The following AKAP6 variants were observed in gnomAD, a reference collection of about 807,000 sequenced individuals.
The protein encoded by AKAP6 is A-kinase anchoring protein 6.
AKAP6 carries 58 observed loss-of-function variants against 188.5 expected under a neutral mutation model. The ratio of observed to expected loss-of-function variants is 0.31; its 90% confidence interval spans 0.25 to 0.38. AKAP6 has a LOEUF of 0.38. Among genes scored for constraint, AKAP6 ranks in the 10% least tolerant of loss-of-function variants. AKAP6 has a pLI of 1.00. For missense variants in AKAP6, 2,710 were observed against 2,740.0 expected, an observed-to-expected ratio of 0.99 and a Z score of 0.24; for synonymous variants, 989 against 998.6, an observed-to-expected ratio of 0.99 and a Z score of 0.18.
intron 7 of AKAP6, among the ~76,000 whole-genome samples, chr14:32,612,747 A>G (rs1163139968): frequency 6.6e-6 from 1 of 152,156 alleles, no homozygotes; most frequent in Non-Finnish European, 1.5e-5. Flanking sequence ...ACCTTTGTTT[A>G]AACAGCCTTG....
intron 4 of AKAP6, among the ~76,000 whole-genome samples, chr14:32,576,511 T>C (rs1429975911): frequency 6.6e-6 from 1 of 152,186 alleles, no homozygotes. Flanking sequence ...CGAAGTCAAG[T>C]ATTTATGTTT....
intron 4 of AKAP6, among the ~76,000 whole-genome samples, chr14:32,556,633 G>A (rs59222389): frequency 0.5 from 75,349 of 152,090 alleles, 20,573 homozygotes; most frequent in African/African-American, 0.74. Flanking sequence ...ATAAGCCCCC[G>A]CACCTAGCCC....
intron 1 of AKAP6, among the ~76,000 whole-genome samples, chr14:32,389,253 C>T (rs1406960212): frequency 6.6e-6 from 1 of 152,086 alleles, no homozygotes; most frequent in African/African-American, 2.4e-5. Flanking sequence ...AGGTGAGTCT[C>T]TTGAAGGCAG....
chr14:32,617,533 A>G (rs1212578691), intron 7 of AKAP6, among the ~76,000 whole-genome samples: 4 of 152,220 alleles, frequency 2.6e-5, no homozygotes, highest in African/African-American at 7.2e-5. Flanking sequence ...AGCGTAATAT[A>G]TCCCTCAAAG....
At chr14:32,440,510 T>TC (rs1301919169) in intron 2 of AKAP6, among the ~76,000 whole-genome samples, 24 of 152,256 alleles carry the variant, frequency 1.6e-4, no homozygotes, top group African/African-American at 5.5e-4. Flanking sequence ...TAAAACCAAG[T>TC]TCTTGGTCAT....
chr14:32,721,056 C>G (rs1304571623), intron 9 of AKAP6, among the ~76,000 whole-genome samples: 1 of 152,172 alleles, frequency 6.6e-6, no homozygotes, highest in African/African-American at 2.4e-5. Context: ...ATTGCATACT[C>G]TGACAGATAT....
rs1457580982 is a variant in AKAP6, at chr14:32,823,876, A to C, written c.6063A>C (p.Ala2021=). Residue 2021 remains alanine (A), a synonymous_variant, in exon 13 of 14, where the codon GCA becomes GCC. Transcript: ENST00000280979. ...MAGKSAGCCL[A]LEQNGTEENA... ...GAAAATCTGCTGGTTGTTGCCTAGC[A>C]CTTGAACAAAACGGAACAGAGGAAA... The C allele has an allele frequency of 1.9e-6, 3 of 1,613,862 alleles. No homozygotes were observed. The highest frequency in any genetic ancestry group is 2.5e-6 in the Non-Finnish European group (3 of 1,179,928).
chr14:32,581,924 C>A (rs1438421232), intron 5 of AKAP6, among the ~76,000 whole-genome samples: 1 of 152,148 alleles, frequency 6.6e-6, no homozygotes, highest in Non-Finnish European at 1.5e-5. Flanking sequence ...ATACAGCACA[C>A]GGATGGGTCT....
chr14:32,364,640 C>G (rs1887770357), intron 1 of AKAP6, among the ~76,000 whole-genome samples: 1 of 152,142 alleles, frequency 6.6e-6, no homozygotes, highest in Non-Finnish European at 1.5e-5. Context: ...CATTTCCTAT[C>G]TCGGCGCTGT....
In AKAP6 at chr14:32,546,261, T is replaced by C; in HGVS notation, c.1608T>C (p.Tyr536=). The C allele has an allele frequency of 6.2e-7, 1 of 1,614,192 alleles. No homozygotes were observed. Among genetic ancestry groups the C allele is most frequent in the Non-Finnish European group, 8.5e-7 (1 of 1,180,026 alleles). ...SSAVPNGELS[Y]TSKAIEGPQT... The stretch of plus-strand genomic sequence containing the variant: ...CAGTGCCAAATGGAGAGCTTTCTTA[T>C]ACTTCCAAGGCCATAGAGGGGCCAC... Residue 536 remains tyrosine (Y), a synonymous_variant, in exon 4 of 14, where the codon TAT becomes TAC. Transcript: ENST00000280979.
intron 8 of AKAP6, among the ~76,000 whole-genome samples, chr14:32,680,432 A>G (rs574072524): frequency 7.4e-4 from 112 of 152,344 alleles, no homozygotes; most frequent in Non-Finnish European, 1.4e-3. Flanking sequence ...TTGTAAAATT[A>G]TCTGCTCCAA....
At chr14:32,452,693 T>C (rs1890981552) in intron 2 of AKAP6, among the ~76,000 whole-genome samples, 1 of 152,150 alleles carries the variant, frequency 6.6e-6, no homozygotes, top group South Asian at 2.1e-4. Context: ...AGGCTATGCA[T>C]GTTTTACATT....
intron 7 of AKAP6, among the ~76,000 whole-genome samples, chr14:32,677,116 G>A (rs150154726): frequency 1.1e-3 from 166 of 152,288 alleles, no homozygotes; most frequent in African/African-American, 3.5e-3. Flanking sequence ...ATGCATCACC[G>A]CACCCGGCCT....
At chr14:32,542,361 A>G (rs1014244284) in intron 3 of AKAP6, among the ~76,000 whole-genome samples, 1 of 152,216 alleles carries the variant, frequency 6.6e-6, no homozygotes, top group Non-Finnish European at 1.5e-5. Context: ...GCAGATCACT[A>G]TGCTATGTGC....
At chr14:32,584,671 C>G (rs1172676077) in intron 5 of AKAP6, among the ~76,000 whole-genome samples, 3 of 151,512 alleles carry the variant, frequency 2.0e-5, no homozygotes, top group Admixed American at 6.5e-5. Context: ...CTAAGCAATC[C>G]TTGATCTGCT....
At chr14:32,411,288 T>C (rs559594530) in intron 1 of AKAP6, among the ~76,000 whole-genome samples, 1 of 152,298 alleles carries the variant, frequency 6.6e-6, no homozygotes, top group East Asian at 1.9e-4. Context: ...ATGGGCTGTT[T>C]ATTGATGGAA....
chr14:32,534,328 A>G (rs575328901), intron 2 of AKAP6, among the ~76,000 whole-genome samples: 2 of 152,352 alleles, frequency 1.3e-5, no homozygotes, highest in East Asian at 1.9e-4. Context: ...AAAACGAGCA[A>G]CTGAGCCCTT....
At chr14:32,789,904 T>A (rs753324497) in intron 12 of AKAP6, among the ~76,000 whole-genome samples, 1 of 151,786 alleles carries the variant, frequency 6.6e-6, no homozygotes, top group African/African-American at 2.4e-5. Context: ...CTTCAGGAGG[T>A]GGGTAATAAT....
intron 7 of AKAP6, among the ~76,000 whole-genome samples, chr14:32,638,961 G>C (rs1190723179): frequency 6.6e-6 from 1 of 152,066 alleles, no homozygotes. Context: ...TTATGAATTA[G>C]TGTGTTTTAG....
Sources: gnomAD v4.1 joint callset for allele counts (sites outside exome capture counted in the v4.1 genomes callset) on GRCh38, gnomAD v4.1.1 for gene constraint, MANE v1.5 for transcripts, NCBI Gene and HGNC (gene_info 2026-07-23, HGNC 2026-07-21) for gene names.